ANKRD12: variants seen among roughly 807,000 people sequenced by gnomAD.
ANKRD12 encodes the protein ankyrin repeat domain 12.
A neutral mutation model predicts 183.4 loss-of-function variants in ANKRD12; 85 were observed. The observed-to-expected ratio is 0.46, with a 90% CI of 0.39 to 0.56. The LOEUF is 0.56. Ranked by LOEUF, ANKRD12 falls within the 20% of genes least tolerant of loss-of-function variation. The pLI is 0.00. For missense variants in ANKRD12, 2,405 were observed against 2,357.1 expected (o/e 1.02, Z -0.42); for synonymous variants, 914 against 800.2 (o/e 1.14, Z -2.40).
chr18:9,173,215 G>A (rs992468959), intron 1 of ANKRD12, among the ~76,000 whole-genome samples: 6 of 151,868 alleles, frequency 4.0e-5, no homozygotes, highest in African/African-American at 7.3e-5. Flanking sequence ...GATTACAGGC[G>A]CCTGCCACCA....
intron 8 of ANKRD12, among the ~76,000 whole-genome samples, chr18:9,233,540 C>A (rs1351362282): frequency 2.0e-5 from 3 of 152,020 alleles, no homozygotes; most frequent in African/African-American, 7.2e-5. Flanking sequence ...ACAGTTACTT[C>A]TTCCAGCTTT....
intron 10 of ANKRD12, among the ~76,000 whole-genome samples, chr18:9,274,714 T>G (rs2039751960): frequency 6.6e-6 from 1 of 152,162 alleles, no homozygotes; most frequent in South Asian, 2.1e-4. Context: ...CTGGTAGTTT[T>G]GGAGAGAGAA....
intron 6 of ANKRD12, among the ~76,000 whole-genome samples, chr18:9,216,440 A>G (rs1286910681): frequency 6.6e-6 from 1 of 152,220 alleles, no homozygotes; most frequent in African/African-American, 2.4e-5. Flanking sequence ...TGTTCATGTT[A>G]CTGGTAAGGC....
intron 8 of ANKRD12, among the ~76,000 whole-genome samples, chr18:9,247,313 C>CA (rs1401593209): frequency 0.092 from 10,858 of 118,434 alleles, 432 homozygotes; most frequent in African/African-American, 0.11. Flanking sequence ...TCATCTCTAC[C>CA]AAAAAAAAAA....
intron 2 of ANKRD12, among the ~76,000 whole-genome samples, chr18:9,184,556 A>G (rs2033920871): frequency 6.6e-6 from 1 of 152,058 alleles, no homozygotes; most frequent in African/African-American, 2.4e-5. Flanking sequence ...CTATGCCCAG[A>G]GATAGGGTTT....
At chr18:9,148,059 A>T in intron 1 of ANKRD12, among the ~76,000 whole-genome samples, 1 of 152,206 alleles carries the variant, frequency 6.6e-6, no homozygotes, top group Non-Finnish European at 1.5e-5. Context: ...CTACTTTTCA[A>T]CATTGGTAGT....
At chr18:9,247,848 G>T (rs1004278990) in intron 8 of ANKRD12, among the ~76,000 whole-genome samples, 25 of 151,984 alleles carry the variant, frequency 1.6e-4, no homozygotes, top group Non-Finnish European at 2.9e-4. Flanking sequence ...TGTTGCCCAG[G>T]CTGGAGTGCA....
chr18:9,154,683 G>T (rs1427443389), intron 1 of ANKRD12, among the ~76,000 whole-genome samples: 1 of 149,118 alleles, frequency 6.7e-6, no homozygotes, highest in Admixed American at 6.6e-5. Flanking sequence ...GTCTATTCAA[G>T]AGATGATGGT....
intron 6 of ANKRD12, among the ~76,000 whole-genome samples, chr18:9,213,008 T>G: frequency 6.6e-6 from 1 of 151,922 alleles, no homozygotes; most frequent in South Asian, 2.1e-4. Flanking sequence ...TTTCACAGTC[T>G]GTGGCTTAGG....
chr18:9,144,875 A>G (rs1281166690), intron 1 of ANKRD12, among the ~76,000 whole-genome samples: 1 of 151,850 alleles, frequency 6.6e-6, no homozygotes, highest in African/African-American at 2.4e-5. Flanking sequence ...TTATGTATGT[A>G]TTTGTATGTA....
chr18:9,203,471 G>C (rs72937277), intron 3 of ANKRD12, among the ~76,000 whole-genome samples: 1 of 152,040 alleles, frequency 6.6e-6, no homozygotes, highest in African/African-American at 2.4e-5. Flanking sequence ...GCATTTATAA[G>C]TCAAAATATA....
intron 8 of ANKRD12, among the ~76,000 whole-genome samples, chr18:9,238,670 A>T (rs2037483389): frequency 6.6e-6 from 1 of 152,252 alleles, no homozygotes; most frequent in South Asian, 2.1e-4. Flanking sequence ...AAATGGAGAA[A>T]ACATAAAACA....
intron 9 of ANKRD12, among the ~76,000 whole-genome samples, chr18:9,260,677 A>G (rs1445741070): frequency 6.6e-6 from 1 of 152,214 alleles, no homozygotes; most frequent in African/African-American, 2.4e-5. Flanking sequence ...GGACCCAGAT[A>G]TTGAAAGAGA....
Position 9,211,595 on chromosome 18 carries a change from A to C in ANKRD12, c.463A>C (p.Asn155His). 6.2e-7 allele frequency: 1 copy of C among 1,613,742 alleles called. No homozygotes were observed. The highest frequency in any genetic ancestry group is 8.5e-7 in the Non-Finnish European group (1 of 1,179,776). The change falls in exon 6 of 13, where the codon AAT becomes CAT. Residue 155 changes from asparagine to histidine, a missense_variant. Around this residue, in one of 7 missense-constraint regions of ANKRD12, gnomAD observed 35 missense variants for 37.5 expected, o/e 0.93. Transcript: ENST00000262126. Reference protein sequence around the residue: ...ARDNSPDSTPNHPSQTTPAQK... With the variant: ...ARDNSPDSTPHHPSQTTPAQK... The stretch of plus-strand genomic sequence containing the variant: ...CTTCTTTCTTACAGATTCCACACCA[A>C]ATCATCCATCACAAACAACGCCTGC...
At chr18:9,175,517 GCTC>G (rs1203292581) in intron 1 of ANKRD12, among the ~76,000 whole-genome samples, 7 of 102,548 alleles carry the variant, frequency 6.8e-5, no homozygotes, top group Admixed American at 2.2e-4. Context: ...TTTTTCAAAG[GCTC>G]CTCTTTTTTT....
At chr18:9,215,008 A>C (rs1050040948) in intron 6 of ANKRD12, among the ~76,000 whole-genome samples, 12 of 152,160 alleles carry the variant, frequency 7.9e-5, no homozygotes, top group African/African-American at 1.2e-4. Flanking sequence ...ATGGTTTAAT[A>C]ATTTTAGAAC....
chr18:9,179,600 C>T (rs897587089), intron 1 of ANKRD12, among the ~76,000 whole-genome samples: 3 of 152,136 alleles, frequency 2.0e-5, no homozygotes, highest in Non-Finnish European at 2.9e-5. Flanking sequence ...ACTGCAGCCT[C>T]GACCTCCTGG....
intron 1 of ANKRD12, among the ~76,000 whole-genome samples, chr18:9,148,146 G>T (rs1009338894): frequency 2.0e-5 from 3 of 152,118 alleles, no homozygotes; most frequent in Non-Finnish European, 4.4e-5. Flanking sequence ...CCCTCTACTG[G>T]TTTATGGAAG....
Position 9,275,668 on chromosome 18 carries a change from G to T in ANKRD12, c.5907+1G>T. Reference sequence around the variant, plus strand: ...ATACAATGTACCATTGGACTCTCAGGTAAAATGTTTGTTGATACATTTAGA... The same window carrying T: ...ATACAATGTACCATTGGACTCTCAGTTAAAATGTTTGTTGATACATTTAGA... On this transcript the variant is annotated splice_donor_variant, in intron 11 of 12. Coordinates refer to ENST00000262126, the MANE Select transcript of ANKRD12 (RefSeq NM_015208.5). LOFTEE classifies it high-confidence loss of function. 6.4e-7 allele frequency: 1 copy of T among 1,551,922 alleles called. No individual in the cohort carries two copies. The highest frequency in any genetic ancestry group is 8.8e-7 in the Non-Finnish European group (1 of 1,138,546).
Sources: allele counts gnomAD v4.1 joint callset (sites outside exome capture counted in the v4.1 genomes callset), GRCh38; gene constraint gnomAD v4.1.1; regional missense constraint gnomAD v4.1.1; transcripts MANE v1.5; gene names NCBI Gene and HGNC (gene_info 2026-07-23, HGNC 2026-07-21).